The following LENG8 variants were observed in gnomAD, a reference collection of about 807,000 sequenced individuals.
The protein encoded by LENG8 is leukocyte receptor cluster (LRC) member 8.
LENG8 carries 28 observed loss-of-function variants against 102.1 expected under a neutral mutation model. That is an observed-to-expected ratio of 0.27 (90% CI 0.20 to 0.38). LENG8 has a LOEUF of 0.38. LENG8 is among the 10% of genes least tolerant of loss of function. LENG8 has a pLI of 1.00. For synonymous variants in LENG8, 531 were observed against 456.7 expected (o/e 1.16, Z -2.07); for missense variants, 1,022 against 1,113.9 (o/e 0.92, Z 1.17).
At position 54,461,736 on chromosome 19, in the gene LENG8, C is replaced by T. The variant is rs2084573927; in HGVS notation, c.*808C>T. The T allele has an allele frequency of 1.9e-6, 1 of 518,080 alleles. No homozygotes were observed. Among genetic ancestry groups the T allele is most frequent in the African/African-American group, 1.9e-5 (1 of 51,870 alleles). 32.1% of individuals were successfully genotyped at this position (518,080 alleles called of 1,614,324 possible). On this transcript the variant is annotated 3_prime_UTR_variant, in exon 16 of 16. Coordinates refer to ENST00000326764, the MANE Select transcript of LENG8 (RefSeq NM_052925.4). The stretch of plus-strand genomic sequence containing the variant: ...GGATCACCAGCTCACGTCATGTTGC[C>T]TTCTCTTTTCTTTGTGTGTGTGTTT...
At chr19:54,459,922 GT>G (rs1217480661) in intron 15 of LENG8, 2 of 1,198,626 alleles carry the variant, frequency 1.7e-6, no homozygotes, top group Non-Finnish European at 1.1e-6. Context: ...CTACACAGGG[GT>G]GTGTGGTTGG....
chr19:54,450,682 G>A (rs2083922154), intron 1 of LENG8, among the ~76,000 whole-genome samples: 2 of 149,402 alleles, frequency 1.3e-5, no homozygotes, highest in African/African-American at 4.9e-5. Context: ...GAGAGCAATG[G>A]CGCAGTCTCA....
chr19:54,455,585 A>G lies in LENG8; in HGVS notation c.1025+18A>G, dbSNP rs1484895162. Reference sequence around the variant, plus strand: ...TTGCCGGGGTTAGTCTGGGTGGGGGACATAGGTGGGAGGGTGGTGCTGTGA... The same window carrying G: ...TTGCCGGGGTTAGTCTGGGTGGGGGGCATAGGTGGGAGGGTGGTGCTGTGA... On this transcript the variant is annotated intron_variant, in intron 8 of 15. Coordinates refer to ENST00000326764, the MANE Select transcript of LENG8 (RefSeq NM_052925.4). The G allele has an allele frequency of 1.3e-6, 2 of 1,595,566 alleles. No homozygotes were observed. Among genetic ancestry groups the G allele is most frequent in the African/African-American group, 1.3e-5 (1 of 74,284 alleles).
intron 5 of LENG8, among the ~76,000 whole-genome samples, chr19:54,454,094 C>T (rs1428746781): frequency 6.6e-6 from 1 of 151,944 alleles, no homozygotes; most frequent in East Asian, 1.9e-4. Flanking sequence ...TGTGTGTGCT[C>T]ATGGGTGTCT....
At chr19:54,457,218 G>A (rs920849859) in intron 11 of LENG8, among the ~76,000 whole-genome samples, 1 of 152,248 alleles carries the variant, frequency 6.6e-6, no homozygotes, top group Non-Finnish European at 1.5e-5. Flanking sequence ...GGGCTGTGGG[G>A]CGTGGGGGGC....
intron 9 of LENG8, 21 bp from the exon 10 acceptor site, chr19:54,456,304 C>T (rs769006153): frequency 7.4e-6 from 12 of 1,614,134 alleles, no homozygotes; most frequent in East Asian, 2.2e-5. Flanking sequence ...TCAGGCCTGA[C>T]CCTCCTGCTT....
chr19:54,454,353 C>T, intron 5 of LENG8, 77 bp from the exon 6 acceptor site: 4 of 1,443,228 alleles, frequency 2.8e-6, no homozygotes, highest in Non-Finnish European at 3.7e-6. Flanking sequence ...ACCACTGCGT[C>T]CTCACAGCGA....
Position 54,461,230 on chromosome 19 carries a change from T to TTCTC in LENG8, c.*312_*315dup, listed in dbSNP as rs764329239. On this transcript the variant is annotated 3_prime_UTR_variant, in exon 16 of 16. Coordinates refer to ENST00000326764, the MANE Select transcript of LENG8 (RefSeq NM_052925.4). ...ACTCCACTAATGCTGTCTCAGTGTT[T>TTCTC]TCTCTCTCTCTCTTTCGAGCTTGCA... 1 of 612,174 alleles carries TTCTC rather than the reference T, an allele frequency of 1.6e-6. No homozygotes were observed. Among genetic ancestry groups the TTCTC allele is most frequent in the Non-Finnish European group, 3.1e-6 (1 of 327,394 alleles). 37.9% of individuals were successfully genotyped at this position (612,174 alleles called of 1,614,324 possible). A position where few individuals can be genotyped will look rare whatever the true frequency, so the allele number is the denominator to read the frequency against.
At position 54,454,456 on chromosome 19, in the gene LENG8, C is replaced by T; in HGVS notation, c.453C>T (p.Ser151=). The T allele has an allele frequency of 6.2e-7, 1 of 1,612,274 alleles. No individual in the cohort carries two copies. The highest frequency in any genetic ancestry group is 8.5e-7 in the Non-Finnish European group (1 of 1,179,208). ...NQPPVPGMDE[S]MSYQAPPQQL... ...CCCCAGTCCCCGGCATGGATGAGAG[C>T]ATGTCCTACCAGGCTCCCCCTCAGC... is the stretch of plus-strand genomic sequence containing the variant. The change falls in exon 6 of 16, where the codon AGC becomes AGT. Residue 151 remains serine, a synonymous_variant. Transcript: ENST00000326764.
Position 54,451,282 on chromosome 19 carries a change from T to C in LENG8, c.-55-8T>C. The C allele has an allele frequency of 6.4e-7, 1 of 1,556,522 alleles. No homozygotes were observed. Among genetic ancestry groups the C allele is most frequent in the East Asian group, 2.2e-5 (1 of 44,630 alleles). Reference sequence around the variant, plus strand: ...TTAAGTCTCCCTAACTCATTCTTTTTCTCATAGACAGTGAAAAAGCAGTCT... The same window carrying C: ...TTAAGTCTCCCTAACTCATTCTTTTCCTCATAGACAGTGAAAAAGCAGTCT... On this transcript the variant is annotated splice_region_variant and splice_polypyrimidine_tract_variant and intron_variant, in intron 1 of 15. Coordinates refer to ENST00000326764, the MANE Select transcript of LENG8 (RefSeq NM_052925.4).
At chr19:54,458,718 C>G (rs1272268788) in intron 15 of LENG8, 197 bp downstream of exon 15, 3 of 1,551,362 alleles carry the variant, frequency 1.9e-6, no homozygotes, top group Admixed American at 2.0e-5. Context: ...CCTCTGTGTT[C>G]CGGGTCACTC....
intron 5 of LENG8, 31 bp downstream of exon 5, chr19:54,453,687 C>T (rs1199547592): frequency 2.0e-6 from 3 of 1,489,332 alleles, no homozygotes; most frequent in African/African-American, 1.4e-5. Context: ...CCATACCCTG[C>T]TCAAGCAGAG....
At chr19:54,453,686 G>T (rs2084074014) in intron 5 of LENG8, 30 bp downstream of exon 5, 1 of 1,493,868 alleles carries the variant, frequency 6.7e-7, no homozygotes, top group African/African-American at 1.4e-5. Context: ...CCCATACCCT[G>T]CTCAAGCAGA....
chr19:54,461,119 G>C lies in LENG8; in HGVS notation c.*191G>C, dbSNP rs2084526400. The C allele has an allele frequency of 1.1e-6, 1 of 896,708 alleles. No individual in the cohort carries two copies. The highest frequency in any genetic ancestry group is 1.5e-5 in the South Asian group (1 of 68,870). 55.5% of individuals were successfully genotyped at this position (896,708 alleles called of 1,614,324 possible). Reference sequence around the variant, plus strand: ...AGATTTTTCTACGTTTTTATTTTTTGCCTCAGAGGGATGGGATTGGGGAGG... The same window carrying C: ...AGATTTTTCTACGTTTTTATTTTTTCCCTCAGAGGGATGGGATTGGGGAGG... On this transcript the variant is annotated 3_prime_UTR_variant, in exon 16 of 16. Coordinates refer to ENST00000326764, the MANE Select transcript of LENG8 (RefSeq NM_052925.4).
rs186957841 is a variant in LENG8 at position 54,450,909 on chromosome 19, C to T, written c.-55-381C>T. On this transcript the variant is annotated intron_variant, in intron 1 of 15. Coordinates refer to ENST00000326764, the MANE Select transcript of LENG8 (RefSeq NM_052925.4). ...TGCTGGGATTACAGGCGTGAGCCAC[C>T]GCGCCTGGCCCCTAGAATTTTTTGT... Among the ~76,000 whole-genome samples the T allele has an allele frequency of 1.9e-3, 289 of 152,314 alleles. 1 individual carries two copies. The highest frequency in any genetic ancestry group is 6.5e-3 in the African/African-American group (270 of 41,566).
In LENG8 at chr19:54,454,943, C is replaced by T; in HGVS notation, c.680-8C>T. The T allele has an allele frequency of 6.2e-7, 1 of 1,614,140 alleles. No homozygotes were observed. Among genetic ancestry groups the T allele is most frequent in the Non-Finnish European group, 8.5e-7 (1 of 1,180,012 alleles). On this transcript the variant is annotated splice_region_variant and splice_polypyrimidine_tract_variant and intron_variant, in intron 6 of 15. Coordinates refer to ENST00000326764, the MANE Select transcript of LENG8 (RefSeq NM_052925.4). Reference sequence around the variant, plus strand: ...AGGGCCTAACCATAGCTTTCGCTGCCCTCACAGCCGCCCCTGGGACTGGAG... The same window carrying T: ...AGGGCCTAACCATAGCTTTCGCTGCTCTCACAGCCGCCCCTGGGACTGGAG...
intron 11 of LENG8, 108 bp downstream of exon 11, chr19:54,457,029 A>T: frequency 8.0e-7 from 1 of 1,250,710 alleles, no homozygotes. Flanking sequence ...CTGGTATGGC[A>T]GGGGAAGCTC....
rs144060557 is a variant in LENG8 at position 54,458,496 on chromosome 19, G to C, written c.2215G>C (p.Val739Leu). 3.1e-4 allele frequency: 503 copies of C among 1,614,126 alleles called. No homozygotes were observed. Among genetic ancestry groups the C allele is most frequent in the Non-Finnish European group, 4.1e-4 (485 of 1,180,054 alleles). ...CAAGTTTGCAGATCGGGAGCGCAAGGTCGCCCTCAAGGCCATGATCAAAAC... is the reference window on the plus strand; with the variant it reads ...CAAGTTTGCAGATCGGGAGCGCAAGCTCGCCCTCAAGGCCATGATCAAAAC... ...VDKFADRERK[V>L]ALKAMIKTFR... The change falls in exon 15 of 16, where the codon GTC (valine) becomes CTC (leucine). Residue 739 changes from valine to leucine, a missense_variant. Transcript: ENST00000326764.
intron 6 of LENG8, 104 bp from the exon 7 acceptor site, chr19:54,454,847 T>C: frequency 6.6e-7 from 1 of 1,506,518 alleles, no homozygotes; most frequent in South Asian, 1.2e-5. Flanking sequence ...AGCCCTCCTC[T>C]AGAACCTGAG....
Sources: allele counts gnomAD v4.1 joint callset (sites outside exome capture counted in the v4.1 genomes callset), GRCh38; gene constraint gnomAD v4.1.1; transcripts MANE v1.5; gene names NCBI Gene and HGNC (gene_info 2026-07-23, HGNC 2026-07-21).